MMP11: variants seen among roughly 807,000 people sequenced by gnomAD.
MMP11 encodes matrix metallopeptidase 11.
MMP11 carries 26 observed loss-of-function variants against 49.5 expected under a neutral mutation model. That is an observed-to-expected ratio of 0.52 (90% CI 0.38 to 0.73). The LOEUF is 0.73. Ranked by LOEUF, MMP11 falls within the 30% of genes least tolerant of loss-of-function variation. The pLI is 0.00. For synonymous variants in MMP11, 265 were observed against 282.3 expected (o/e 0.94, Z 0.62); for missense variants, 624 against 671.2 (o/e 0.93, Z 0.78).
intron 1 of MMP11, among the ~76,000 whole-genome samples, chr22:23,775,676 AC>A (rs1482818941): frequency 2.6e-5 from 4 of 152,128 alleles, no homozygotes; most frequent in Non-Finnish European, 4.4e-5. Context: ...TATGTGGGAG[AC>A]CCTGCACAAG....
rs771617257 is a variant in MMP11, at chr22:23,782,285, G to C, written c.1135G>C (p.Glu379Gln). 1.2e-6 allele frequency: 2 copies of C among 1,613,834 alleles called. No homozygotes were observed. Among genetic ancestry groups the C allele is most frequent in the Non-Finnish European group, 1.7e-6 (2 of 1,179,998 alleles). The change falls in exon 7 of 8, where the codon GAG (glutamate) becomes CAG (glutamine). Residue 379 changes from glutamate (E) to glutamine (Q), a missense_variant. By Grantham distance (29) the Glu-to-Gln change is conservative. Coordinates refer to ENST00000215743, the MANE Select transcript of MMP11 (RefSeq NM_005940.5). ...AGTCCTGGGCCCCGCACCCCTCACC[G>C]AGCTGGGCCTGGTGAGGTTCCCGGT... is the stretch of plus-strand genomic sequence containing the variant. ...KPVLGPAPLTELGLVRFPVHA... is the reference protein window; with the variant it reads ...KPVLGPAPLTQLGLVRFPVHA...
Position 23,772,991 on chromosome 22 carries a change from C to CA in MMP11, c.108+14dup. 8.5e-7 allele frequency: 1 copy of CA among 1,182,824 alleles called. No homozygotes were observed. The highest frequency in any genetic ancestry group is 1.0e-6 in the Non-Finnish European group (1 of 956,468). The allele number at this position is 1,182,824 out of a possible 1,614,324, so 73.3% of individuals were successfully genotyped here. ...GGCTCTGCCGCCGGTGAGTGCCCGC[C>CA]ACTCGCCGGCCGCTCCTCGCTGAGG... On this transcript the variant is annotated intron_variant, in intron 1 of 7. Coordinates refer to ENST00000215743, the MANE Select transcript of MMP11 (RefSeq NM_005940.5).
In MMP11 at chr22:23,781,055, G is replaced by A. The variant is rs1281873104; in HGVS notation, c.813G>A (p.Leu271=). The part of the protein sequence containing the change: ...WPTVTSRTPA[L]GPQAGIDTNE... ...CTGTCACCTCCAGGACCCCAGCCCT[G>A]GGCCCCCAGGCTGGGATAGACACCA... The change falls in exon 5 of 8, where the codon CTG becomes CTA. Residue 271 remains leucine, a synonymous_variant. Coordinates refer to ENST00000215743, the MANE Select transcript of MMP11 (RefSeq NM_005940.5). 2 of 1,610,992 alleles carry A rather than the reference G, an allele frequency of 1.2e-6. No homozygotes were observed. The highest frequency in any genetic ancestry group is 2.2e-5 in the South Asian group (2 of 91,078).
In MMP11 at chr22:23,779,226, C is replaced by T; in HGVS notation, c.148C>T (p.Pro50Ser). 3.1e-6 allele frequency: 5 copies of T among 1,607,758 alleles called. No homozygotes were observed. Among genetic ancestry groups the T allele is most frequent in the Non-Finnish European group, 4.2e-6 (5 of 1,177,874 alleles). The stretch of plus-strand genomic sequence containing the variant: ...CCATGCCGAGAGGAGGGGGCCACAG[C>T]CCTGGCATGCAGCCCTGCCCAGTAG... ...HLHAERRGPQ[P>S]WHAALPSSPA... Residue 50 changes from proline to serine, a missense_variant, in exon 2 of 8, where the codon CCC becomes TCC. Pro to Ser is a moderately conservative substitution (Grantham distance 74). Transcript: ENST00000215743.
At chr22:23,783,094 GGAGA>G (rs1568930044) in intron 7 of MMP11, among the ~76,000 whole-genome samples, 1 of 152,300 alleles carries the variant, frequency 6.6e-6, no homozygotes, top group East Asian at 1.9e-4. Context: ...AATAGATGCA[GGAGA>G]GAGTGATGTG....
Position 23,780,270 on chromosome 22 carries a change from C to G in MMP11, c.339-89C>G, listed in dbSNP as rs1425951679. 6.5e-7 allele frequency: 1 copy of G among 1,543,778 alleles called. No homozygotes were observed. Among genetic ancestry groups the G allele is most frequent in the South Asian group, 1.2e-5 (1 of 85,764 alleles). The stretch of plus-strand genomic sequence containing the variant: ...GGCCTGTGTCCTGAGTGTTCACACA[C>G]CCACCAAGCATCCAGGGGCAACTCC... On this transcript the variant is annotated intron_variant, in intron 2 of 7. Coordinates refer to ENST00000215743, the MANE Select transcript of MMP11 (RefSeq NM_005940.5). The surrounding 1 kb of genome is among the most constrained non-coding windows in gnomAD (Gnocchi z 4.6).
At chr22:23,774,932 C>T (rs1342170584) in intron 1 of MMP11, among the ~76,000 whole-genome samples, 2 of 152,170 alleles carry the variant, frequency 1.3e-5, no homozygotes, top group Non-Finnish European at 2.9e-5. Context: ...AGTCTCTAAG[C>T]TCTGCCAGGA....
intron 6 of MMP11, 184 bp downstream of exon 6, chr22:23,781,593 G>A (rs1927636774): frequency 1.5e-6 from 1 of 651,272 alleles, no homozygotes; most frequent in Non-Finnish European, 2.7e-6. Context: ...GTTCTCGGAG[G>A]TGGCTCTTGA....
At chr22:23,783,264 C>G (rs1927707764) in intron 7 of MMP11, 147 bp from the exon 8 acceptor site, 1 of 960,298 alleles carries the variant, frequency 1.0e-6, no homozygotes. Context: ...AAGGCCGGCC[C>G]TGGATCCTGC....
In MMP11 at chr22:23,780,674, A is replaced by G. The variant is rs1927585659; in HGVS notation, c.575A>G (p.His192Arg). The G allele has an allele frequency of 6.3e-7, 1 of 1,576,506 alleles. No individual in the cohort carries two copies. Among genetic ancestry groups the G allele is most frequent in the African/African-American group, 1.4e-5 (1 of 73,872 alleles). The change falls in exon 4 of 8, where the codon CAC becomes CGC. Residue 192 changes from histidine to arginine, a missense_variant. His to Arg is a conservative substitution (Grantham distance 29). Transcript: ENST00000215743. The surrounding 1 kb of genome is among the most constrained non-coding windows in gnomAD (Gnocchi z 4.6). ...FPKTHREGDV[H>R]FDYDETWTIG... ...AAGACTCACCGAGAAGGGGATGTCC[A>G]CTTCGACTATGATGAGACCTGGACT... is the stretch of plus-strand genomic sequence containing the variant.
chr22:23,781,790 C>G, intron 6 of MMP11: 1 of 589,294 alleles, frequency 1.7e-6, no homozygotes, highest in South Asian at 1.5e-5. Context: ...CATCCTAGAG[C>G]TGGGATTTCC....
chr22:23,778,060 T>C (rs917838164), intron 1 of MMP11, among the ~76,000 whole-genome samples: 2 of 152,128 alleles, frequency 1.3e-5, no homozygotes, highest in African/African-American at 4.8e-5. Flanking sequence ...ACCCCAAATA[T>C]GGCTGTGAGG....
intron 1 of MMP11, among the ~76,000 whole-genome samples, chr22:23,774,418 GT>G (rs574645946): frequency 3.2e-4 from 49 of 152,280 alleles, no homozygotes; most frequent in Admixed American, 2.3e-3. Context: ...CCTCTGATGT[GT>G]TTATCCCCCG....
chr22:23,773,072 C>G (rs1489556277), intron 1 of MMP11, 94 bp downstream of exon 1: 1 of 1,076,866 alleles, frequency 9.3e-7, no homozygotes. Flanking sequence ...AGGGGGCGCC[C>G]CGGGTGGCCT....
intron 1 of MMP11, among the ~76,000 whole-genome samples, chr22:23,777,333 C>T (rs187623442): frequency 2.2e-4 from 33 of 151,312 alleles, no homozygotes; most frequent in African/African-American, 7.5e-4. Context: ...TTTGGGAGGC[C>T]GAGGCAGGCG....
In MMP11 at chr22:23,774,405, T is replaced by A. The variant is rs528141601; in HGVS notation, c.108+1427T>A. ...GCAAACACGCAGGGAGCATGTGGGG[T>A]CACCTCTGATGTGTTTATCCCCCGG... On this transcript the variant is annotated intron_variant, in intron 1 of 7. Coordinates refer to ENST00000215743, the MANE Select transcript of MMP11 (RefSeq NM_005940.5). Among the ~76,000 whole-genome samples the A allele has an allele frequency of 8.5e-5, 13 of 152,144 alleles. No homozygotes were observed. The South Asian group carries it at 2.7e-3, about 32-fold the overall frequency.
Position 23,783,293 on chromosome 22 carries a change from C to G in MMP11, c.1334-118C>G, listed in dbSNP as rs537636309. On this transcript the variant is annotated intron_variant, in intron 7 of 7. Transcript: ENST00000215743. ...ATCCTGCAGGACTCGAGGAACTCAGCAGTGGCCAAGGGCTTCCCACTCAGC... is the reference window on the plus strand; with the variant it reads ...ATCCTGCAGGACTCGAGGAACTCAGGAGTGGCCAAGGGCTTCCCACTCAGC... 8.0e-6 allele frequency: 10 copies of G among 1,243,952 alleles called. No homozygotes were observed. In the South Asian group the frequency reaches 1.2e-4, roughly 15 times the overall value. The allele number at this position is 1,243,952 out of a possible 1,614,324, so 77.1% of individuals were successfully genotyped here.
chr22:23,774,454 G>A (rs1210096938), intron 1 of MMP11, among the ~76,000 whole-genome samples: 1 of 152,168 alleles, frequency 6.6e-6, no homozygotes, highest in Non-Finnish European at 1.5e-5. Context: ...GGCTGGGAGA[G>A]CTCTGTAAAT....
chr22:23,780,243 C>T lies in MMP11; in HGVS notation c.339-116C>T, dbSNP rs28363657. On this transcript the variant is annotated intron_variant, in intron 2 of 7. Coordinates refer to ENST00000215743, the MANE Select transcript of MMP11 (RefSeq NM_005940.5). This position sits in a 1 kb window ranked among gnomAD's most constrained non-coding sequence, Gnocchi z 4.6. ...GCTGAAGCTGAGGCCCAGAGTACAC[C>T]TGGCCTGTGTCCTGAGTGTTCACAC... The T allele has an allele frequency of 0.015, 19,910 of 1,310,558 alleles. 987 individuals are homozygous for T. In the African/African-American group the frequency reaches 0.16, roughly 11 times the overall value. The allele number at this position is 1,310,558 out of a possible 1,614,324, so 81.2% of individuals were successfully genotyped here. A position where few individuals can be genotyped will look rare whatever the true frequency, so the allele number is the denominator to read the frequency against.
Sources: allele counts gnomAD v4.1 joint callset (sites outside exome capture counted in the v4.1 genomes callset), GRCh38; gene constraint gnomAD v4.1.1; non-coding constraint Gnocchi (gnomAD v3.1); transcripts MANE v1.5; gene names NCBI Gene and HGNC (gene_info 2026-07-23, HGNC 2026-07-21).